MBTPS1: variants seen among roughly 807,000 people sequenced by gnomAD.
MBTPS1 encodes membrane-bound transcription factor site-1 protease.
Under a neutral mutation model 127.8 loss-of-function variants are expected in MBTPS1, and 94 were observed. The observed-to-expected ratio is 0.74, with a 90% CI of 0.62 to 0.87. The LOEUF (loss-of-function observed/expected upper bound fraction) is 0.87, where lower values mean the gene tolerates loss of function less well. MBTPS1 is among the 40% of genes least tolerant of loss of function. The probability of loss-of-function intolerance (pLI) is 0.00; values close to 1 mark genes in which losing one functional copy is unlikely to be tolerated. For missense variants in MBTPS1, 1,636 were observed against 1,353.2 expected (o/e 1.21, Z -3.28); for synonymous variants, 632 against 509.4 (o/e 1.24, Z -3.24).
At position 84,096,186 on chromosome 16, in the gene MBTPS1, G is replaced by C. The variant is rs187541555; in HGVS notation, c.422-381C>G. 6.4e-3 allele frequency among the ~76,000 whole-genome samples: 969 copies of C among 152,210 alleles called. 9 individuals carry two copies. Among genetic ancestry groups the C allele is most frequent in the Non-Finnish European group, 0.011 (756 of 67,998 alleles). On this transcript the variant is annotated intron_variant, in intron 3 of 22. Transcript: ENST00000343411. ...GAAAAGTTAAAGAAAATGACCCTAA[G>C]CATTCATTGAGTTTTATTTTTACTA...
intron 2 of MBTPS1, among the ~76,000 whole-genome samples, chr16:84,101,253 T>C (rs969040665): frequency 2.0e-5 from 3 of 151,728 alleles, no homozygotes; most frequent in Non-Finnish European, 4.4e-5. Flanking sequence ...TGAACCGAGA[T>C]CGTGCCATTG....
At position 84,112,845 on chromosome 16, in the gene MBTPS1, C is replaced by G. The variant is rs143548309; in HGVS notation, c.-325+3890G>C. Among the ~76,000 whole-genome samples, 1,412 of 150,764 alleles carry G rather than the reference C, an allele frequency of 9.4e-3. 14 individuals carry two copies. Among genetic ancestry groups the G allele is most frequent in the Middle Eastern group, 0.017 (5 of 288 alleles). ...CAAAAATTAGCTGGGTGTGGTGGCA[C>G]ACACCTGTAATCCCAGCTACTCAGG... On this transcript the variant is annotated intron_variant, in intron 1 of 22. Coordinates refer to ENST00000343411, the MANE Select transcript of MBTPS1 (RefSeq NM_003791.4).
intron 14 of MBTPS1, among the ~76,000 whole-genome samples, chr16:84,069,278 G>C (rs1275343032): frequency 6.6e-6 from 1 of 152,250 alleles, no homozygotes; most frequent in Non-Finnish European, 1.5e-5. Flanking sequence ...GCAGGGAACA[G>C]GCACAGGGAG....
At chr16:84,113,499 G>A (rs191026079) in intron 1 of MBTPS1, among the ~76,000 whole-genome samples, 2 of 152,294 alleles carry the variant, frequency 1.3e-5, no homozygotes, top group East Asian at 3.9e-4. Context: ...TGAGTAGAAG[G>A]GAGACTCAGT....
intron 1 of MBTPS1, among the ~76,000 whole-genome samples, chr16:84,115,361 G>A (rs1043535752): frequency 6.6e-6 from 1 of 152,172 alleles, no homozygotes; most frequent in Non-Finnish European, 1.5e-5. Flanking sequence ...ATTATACGGG[G>A]TGCCTGGGGA....
chr16:84,087,558 G>A, intron 8 of MBTPS1, 98 bp from the exon 9 acceptor site: 1 of 769,560 alleles, frequency 1.3e-6, no homozygotes, highest in Non-Finnish European at 2.1e-6. Context: ...AATACTCCCA[G>A]AACAATCTAA....
intron 11 of MBTPS1, among the ~76,000 whole-genome samples, chr16:84,079,106 A>T (rs544724241): frequency 3.9e-5 from 6 of 152,132 alleles, no homozygotes; most frequent in Admixed American, 6.5e-5. Flanking sequence ...TGGGTGTTTA[A>T]CAGTCTGGGA....
At chr16:84,070,859 A>T in intron 12 of MBTPS1, 83 bp from the exon 13 acceptor site, 1 of 1,099,872 alleles carries the variant, frequency 9.1e-7, no homozygotes, top group South Asian at 1.5e-5. Flanking sequence ...CTCAATTCTT[A>T]CCAAAACTGG....
At chr16:84,105,674 G>A (rs1277791432) in intron 1 of MBTPS1, among the ~76,000 whole-genome samples, 3 of 152,272 alleles carry the variant, frequency 2.0e-5, no homozygotes, top group East Asian at 3.9e-4. Context: ...GCTGAAAGAC[G>A]AGGGGGGAAG....
Position 84,099,296 on chromosome 16 carries a change from A to G in MBTPS1, c.178T>C (p.Phe60Leu). ...GCTTTGGCTGTAAAGTATCCATTGA[A>G]AGCCACAATATATTCTGAAACCAAT... The part of the protein sequence containing the change: ...TVVEYEYIVA[F>L]NGYFTAKARN... The change falls in exon 3 of 23, where the codon TTC becomes CTC. Residue 60 changes from phenylalanine (F) to leucine (L), a missense_variant. Transcript: ENST00000343411. 6.2e-7 allele frequency: 1 copy of G among 1,613,980 alleles called. No individual in the cohort carries two copies. The highest frequency in any genetic ancestry group is 8.5e-7 in the Non-Finnish European group (1 of 1,179,992).
intron 9 of MBTPS1, chr16:84,086,542 G>C (rs1458849941): frequency 6.6e-6 from 1 of 152,418 alleles, no homozygotes; most frequent in East Asian, 1.9e-4. Flanking sequence ...GGGGACGCTG[G>C]GGGCTGACGC....
chr16:84,102,895 C>G (rs144507865), intron 1 of MBTPS1, among the ~76,000 whole-genome samples: 2 of 152,264 alleles, frequency 1.3e-5, no homozygotes, highest in East Asian at 3.9e-4. Context: ...TTTATTTTAC[C>G]TGAAACCTCA....
intron 9 of MBTPS1, among the ~76,000 whole-genome samples, chr16:84,086,850 C>A (rs1453279793): frequency 9.2e-5 from 14 of 152,180 alleles, no homozygotes; most frequent in Non-Finnish European, 2.9e-5. Flanking sequence ...AATTAAACCC[C>A]AAACAGCTGA....
Position 84,081,807 on chromosome 16 carries a change from T to G in MBTPS1, c.1388A>C (p.His463Pro), listed in dbSNP as rs1289176959. The G allele has an allele frequency of 2.0e-6, 3 of 1,532,042 alleles. No individual in the cohort carries two copies. The highest frequency in any genetic ancestry group is 2.6e-6 in the Non-Finnish European group (3 of 1,138,582). 94.9% of individuals were successfully genotyped at this position (1,532,042 alleles called of 1,614,324 possible). A position where few individuals can be genotyped will look rare whatever the true frequency, so the allele number is the denominator to read the frequency against. Residue 463 changes from histidine to proline, a missense_variant, in exon 11 of 23, where the codon CAC becomes CCC. Transcript: ENST00000343411. ...GGCTCTGAGCAGATCGAGCTTGCCGTGGCCTTGCTCAAACATGTTGACCCC... is the reference window on the plus strand; with the variant it reads ...GGCTCTGAGCAGATCGAGCTTGCCGGGGCCTTGCTCAAACATGTTGACCCC... ...LPGVNMFEQGHGKLDLLRAYQ... is the reference protein window; with the variant it reads ...LPGVNMFEQGPGKLDLLRAYQ...
chr16:84,098,900 T>A (rs1282562211), intron 3 of MBTPS1, among the ~76,000 whole-genome samples, 153 bp downstream of exon 3: 1 of 151,962 alleles, frequency 6.6e-6, no homozygotes, highest in Non-Finnish European at 1.5e-5. Flanking sequence ...TAAACAAAAC[T>A]AAACTAAAAA....
Position 84,095,596 on chromosome 16 carries a change from A to C in MBTPS1, c.625+6T>G. The C allele has an allele frequency of 3.7e-6, 6 of 1,613,708 alleles. No individual in the cohort carries two copies. Among genetic ancestry groups the C allele is most frequent in the Non-Finnish European group, 5.1e-6 (6 of 1,179,706 alleles). ...ATAAGCACCTTCCCTGGGTAATAGCACACACCTGTATATCCCATCTGCCAG... is the reference window on the plus strand; with the variant it reads ...ATAAGCACCTTCCCTGGGTAATAGCCCACACCTGTATATCCCATCTGCCAG... On this transcript the variant is annotated splice_donor_region_variant and intron_variant, in intron 4 of 22. Transcript: ENST00000343411.
rs1387347022 is a variant in MBTPS1 at position 84,090,892 on chromosome 16, A to G, written c.1014T>C (p.Asn338=). ...NNVIMVSAIG[N]DGPLYGTLNN... is the part of the protein sequence containing the mutation. ...CTACTTACCCATAAAGAGGTCCGTC[A>G]TTGCCAATAGCAGAAACCATGATTA... is the stretch of plus-strand genomic sequence containing the variant. Residue 338 remains asparagine, a synonymous_variant, in exon 8 of 23, where the codon AAT becomes AAC. Coordinates refer to ENST00000343411, the MANE Select transcript of MBTPS1 (RefSeq NM_003791.4). 1 of 1,613,394 alleles carries G rather than the reference A, an allele frequency of 6.2e-7. No individual in the cohort carries two copies. Among genetic ancestry groups the G allele is most frequent in the African/African-American group, 1.3e-5 (1 of 74,908 alleles).
Position 84,081,908 on chromosome 16 carries a change from G to C in MBTPS1, c.1287C>G (p.Ser429Arg). 1 of 1,388,248 alleles carries C rather than the reference G, an allele frequency of 7.2e-7. No individual in the cohort carries two copies. Among genetic ancestry groups the C allele is most frequent in the African/African-American group, 1.5e-5 (1 of 67,360 alleles). 86.0% of individuals were successfully genotyped at this position (1,388,248 alleles called of 1,614,324 possible). The change falls in exon 11 of 23, where the codon AGC (serine) becomes AGG (arginine). Residue 429 changes from serine to arginine, a missense_variant and splice_region_variant. Coordinates refer to ENST00000343411, the MANE Select transcript of MBTPS1 (RefSeq NM_003791.4). ...TCACCAGCTCACGCTTCTGGACTGT[G>C]CTGGAGGAAAAATCAAGAATTGCCT... ...VVAGAVTLLVSTVQKRELVNP... is the reference protein window; with the variant it reads ...VVAGAVTLLVRTVQKRELVNP...
chr16:84,089,223 G>A (rs185485504), intron 8 of MBTPS1, among the ~76,000 whole-genome samples: 102 of 152,396 alleles, frequency 6.7e-4, no homozygotes, highest in Non-Finnish European at 1.1e-3. Flanking sequence ...AACTGAGATT[G>A]TGGCTGGAGT....
Sources: allele counts gnomAD v4.1 joint callset (sites outside exome capture counted in the v4.1 genomes callset), GRCh38; gene constraint gnomAD v4.1.1; transcripts MANE v1.5; gene names NCBI Gene and HGNC (gene_info 2026-07-23, HGNC 2026-07-21).